The following TTLL4 variants were observed in gnomAD, a reference collection of about 807,000 sequenced individuals.
TTLL4 encodes the protein tubulin monoglutamylase TTLL4.
TTLL4 carries 85 observed loss-of-function variants against 122.7 expected under a neutral mutation model. That is an observed-to-expected ratio of 0.69 (90% confidence interval 0.58 to 0.83). TTLL4 has a LOEUF of 0.83. Among genes scored for constraint, TTLL4 ranks in the 40% least tolerant of loss-of-function variants. The pLI is 0.00. For missense variants in TTLL4, 1,363 were observed against 1,488.6 expected (o/e 0.92, Z 1.39); for synonymous variants, 553 against 563.0 (o/e 0.98, Z 0.25).
At chr2:218,724,659 C>T (rs1360827594) in intron 1 of TTLL4, among the ~76,000 whole-genome samples, 5 of 152,034 alleles carry the variant, frequency 3.3e-5, no homozygotes, top group Admixed American at 3.3e-4. Flanking sequence ...ACCACATTTC[C>T]TTTATTCATA....
intron 2 of TTLL4, among the ~76,000 whole-genome samples, chr2:218,730,313 A>C (rs1407967575): frequency 0.15 from 2,492 of 17,184 alleles, 588 homozygotes; most frequent in South Asian, 0.17. Context: ...TAAAAATCCA[A>C]AAAAAAAAAA....
rs997894087 is a variant in TTLL4 at position 218,710,852 on chromosome 2, C to G, written c.-363C>G. The G allele has an allele frequency of 6.6e-6, 1 of 151,806 alleles. No homozygotes were observed. The highest frequency in any genetic ancestry group is 1.5e-5 in the Non-Finnish European group (1 of 68,004). 9.4% of individuals were successfully genotyped at this position (151,806 alleles called of 1,614,324 possible). On this transcript the variant is annotated 5_prime_UTR_variant, in exon 1 of 20. Coordinates refer to ENST00000392102, the MANE Select transcript of TTLL4 (RefSeq NM_014640.5). ...CTCCCGCCCTCTTCTTCCAGACTCTCGGTCTGTCCGCTGGGGGCGCGCGCG... is the reference window on the plus strand; with the variant it reads ...CTCCCGCCCTCTTCTTCCAGACTCTGGGTCTGTCCGCTGGGGGCGCGCGCG...
Position 218,752,897 on chromosome 2 carries a change from CTTTT to C in TTLL4, c.3114_3117del (p.Phe1038LeufsTer26), listed in dbSNP as rs1278252463. ...CTCATATCTCCTCTCGCTATCTCCGCTTTTTTGAGCAGCCACGATATTTCAACAT... is the reference window on the plus strand; with the variant it reads ...CTCATATCTCCTCTCGCTATCTCCGCTTGAGCAGCCACGATATTTCAACAT... On this transcript the variant is annotated frameshift_variant, in exon 17 of 20. Coordinates refer to ENST00000392102, the MANE Select transcript of TTLL4 (RefSeq NM_014640.5). LOFTEE classifies it high-confidence loss of function. 3 of 1,614,038 alleles carry C rather than the reference CTTTT, an allele frequency of 1.9e-6. No individual in the cohort carries two copies. Among genetic ancestry groups the C allele is most frequent in the Non-Finnish European group, 2.5e-6 (3 of 1,180,042 alleles).
intron 4 of TTLL4, 62 bp downstream of exon 4, chr2:218,740,229 T>A (rs1448752821): frequency 4.7e-6 from 7 of 1,493,892 alleles, no homozygotes; most frequent in African/African-American, 1.4e-5. Flanking sequence ...GGCAGGGGGC[T>A]GACAATTGTG....
intron 1 of TTLL4, among the ~76,000 whole-genome samples, chr2:218,712,129 G>A (rs1165440370): frequency 1.3e-5 from 2 of 152,168 alleles, no homozygotes; most frequent in African/African-American, 4.8e-5. Flanking sequence ...GAAAGGGACA[G>A]CAAGTCCTGA....
intron 8 of TTLL4, 86 bp downstream of exon 8, chr2:218,746,317 G>A (rs1032190133): frequency 1.3e-5 from 19 of 1,444,874 alleles, no homozygotes; most frequent in East Asian, 4.6e-5. Context: ...GGTAGGGGGC[G>A]GGAAGAGGAT....
chr2:218,726,658 G>A (rs1054674210), intron 1 of TTLL4, among the ~76,000 whole-genome samples: 1 of 151,972 alleles, frequency 6.6e-6, no homozygotes, highest in Admixed American at 6.6e-5. Flanking sequence ...GTAGAAATGG[G>A]GTTTCACTGT....
chr2:218,737,057 G>A (rs1051366491), intron 2 of TTLL4, among the ~76,000 whole-genome samples: 4 of 152,058 alleles, frequency 2.6e-5, no homozygotes, highest in African/African-American at 9.7e-5. Flanking sequence ...GGGCAGGTTG[G>A]TCTTGAACTC....
intron 5 of TTLL4, among the ~76,000 whole-genome samples, chr2:218,742,672 T>A (rs1266460214): frequency 6.6e-6 from 1 of 152,206 alleles, no homozygotes; most frequent in Non-Finnish European, 1.5e-5. Flanking sequence ...TAAATTAAGC[T>A]TGTGATATTG....
intron 8 of TTLL4, chr2:218,746,711 T>G (rs6729341): frequency 0.46 from 199,801 of 435,102 alleles, 48,607 homozygotes; most frequent in African/African-American, 0.6. Flanking sequence ...GGCGAAATGC[T>G]TTTCTGTCCT....
chr2:218,745,604 G>A (rs748296316), intron 6 of TTLL4, 87 bp from the exon 7 acceptor site: 2 of 912,322 alleles, frequency 2.2e-6, no homozygotes, highest in Non-Finnish European at 3.5e-6. Flanking sequence ...GGGAAGAATG[G>A]GCAGCCATGC....
Position 218,738,911 on chromosome 2 carries a change from C to T in TTLL4, c.1235C>T (p.Thr412Ile), listed in dbSNP as rs925232787. The change falls in exon 3 of 20, where the codon ACA becomes ATA. Residue 412 changes from threonine (T) to isoleucine (I), a missense_variant. Around this residue, in one of 3 missense-constraint regions of TTLL4, gnomAD observed 760 missense variants for 808.4 expected, o/e 0.94. Transcript: ENST00000392102. Reference protein sequence around the residue: ...GASDTLGLDNTVFCTKRISIH... With the variant: ...GASDTLGLDNIVFCTKRISIH... ...TCAGATACCTTGGGGTTGGACAATACAGTCTTCTGTACCAAGCGTATCAGC... is the reference window on the plus strand; with the variant it reads ...TCAGATACCTTGGGGTTGGACAATATAGTCTTCTGTACCAAGCGTATCAGC... 4 of 1,614,188 alleles carry T rather than the reference C, an allele frequency of 2.5e-6. No homozygotes were observed. The highest frequency in any genetic ancestry group is 2.5e-6 in the Non-Finnish European group (3 of 1,180,028).
Position 218,747,142 on chromosome 2 carries a change from T to C in TTLL4, c.2114T>C (p.Leu705Pro). Residue 705 changes from leucine to proline, a missense_variant, in exon 9 of 20, where the codon CTC becomes CCC. Leu to Pro is a moderately conservative substitution (Grantham distance 98). This residue lies in a region of TTLL4 where 596 missense variants were observed against 655.8 expected (regional missense o/e 0.91). Transcript: ENST00000392102. The surrounding 1 kb of genome is among the most constrained non-coding windows in gnomAD (Gnocchi z 4.7). ...TTTATCCTGCCCCAGGACGCCAAGC[T>C]CCTGCGCAAAGCGTGGGAGAGCAGC... ...QSFILPQDAK[L>P]LRKAWESSSR... 6.2e-7 allele frequency: 1 copy of C among 1,614,168 alleles called. No homozygotes were observed. The highest frequency in any genetic ancestry group is 1.6e-4 in the Middle Eastern group (1 of 6,062).
intron 2 of TTLL4, among the ~76,000 whole-genome samples, chr2:218,732,510 G>C (rs1182702968): frequency 6.6e-6 from 1 of 152,172 alleles, no homozygotes; most frequent in Non-Finnish European, 1.5e-5. Flanking sequence ...GAATGGGCTT[G>C]ATGACTTTGC....
chr2:218,715,019 AAGTT>A (rs3078317), intron 1 of TTLL4, among the ~76,000 whole-genome samples: 5,462 of 152,332 alleles, frequency 0.036, 312 homozygotes, highest in African/African-American at 0.12. Flanking sequence ...ATGCTAACGT[AAGTT>A]AGTTAACACA....
chr2:218,738,168 T>C lies in TTLL4; in HGVS notation c.492T>C (p.Ser164=). The change falls in exon 3 of 20, where the codon TCT becomes TCC. Residue 164 remains serine (S), a synonymous_variant. Coordinates refer to ENST00000392102, the MANE Select transcript of TTLL4 (RefSeq NM_014640.5). ...GTCTCACTGCCAACAAGGCCACTTC[T>C]TCCATGGTCTTCTCCATGGCCCAGC... is the stretch of plus-strand genomic sequence containing the variant. ...PVSLTANKAT[S]SMVFSMAQPM... The C allele has an allele frequency of 6.2e-7, 1 of 1,614,024 alleles. No homozygotes were observed. The highest frequency in any genetic ancestry group is 8.5e-7 in the Non-Finnish European group (1 of 1,180,018).
downstream of TTLL4, chr2:218,755,486 G>A (rs775753061): frequency 6.6e-6 from 1 of 152,132 alleles, no homozygotes; most frequent in Non-Finnish European, 1.5e-5. Context: ...AGTTCTAATT[G>A]TCTCTCATCT....
intron 12 of TTLL4, 84 bp downstream of exon 12, chr2:218,748,311 G>A (rs772229876): frequency 3.9e-6 from 6 of 1,557,892 alleles, no homozygotes; most frequent in African/African-American, 1.4e-5. Flanking sequence ...GGGGCATGGC[G>A]AGTGGAGGAT....
chr2:218,727,057 C>A (rs992637037), intron 1 of TTLL4, among the ~76,000 whole-genome samples: 1 of 152,118 alleles, frequency 6.6e-6, no homozygotes, highest in African/African-American at 2.4e-5. Flanking sequence ...GATCCACCCA[C>A]CTCGGCCTCC....
Sources: gnomAD v4.1 joint callset for allele counts (sites outside exome capture counted in the v4.1 genomes callset) on GRCh38, gnomAD v4.1.1 for gene constraint, gnomAD v4.1.1 regional missense constraint, Gnocchi (gnomAD v3.1) non-coding constraint, MANE v1.5 for transcripts, NCBI Gene and HGNC (gene_info 2026-07-23, HGNC 2026-07-21) for gene names.